POFUT3: variants seen among roughly 807,000 people sequenced by gnomAD.
POFUT3 encodes the protein GDP-fucose protein O-fucosyltransferase 3.
At chr8:33,406,351 G>A in the POFUT3 span, among the ~76,000 whole-genome samples, 1 of 152,104 alleles carries the variant, frequency 6.6e-6, no homozygotes, top group Non-Finnish European at 1.5e-5. Flanking sequence ...TAAAAATTCT[G>A]GAAGGATAGC....
chr8:33,446,694 C>T, the POFUT3 span, among the ~76,000 whole-genome samples: 1 of 152,114 alleles, frequency 6.6e-6, no homozygotes, highest in Non-Finnish European at 1.5e-5. Context: ...ACTAGGTACC[C>T]TGAGCAATAA....
chr8:33,453,143 C>T, the POFUT3 span: 9 of 1,471,364 alleles, frequency 6.1e-6, no homozygotes, highest in East Asian at 2.1e-4. Context: ...CATCACTTTT[C>T]AGAGGTAAAC....
the POFUT3 span, among the ~76,000 whole-genome samples, chr8:33,364,818 G>C: frequency 1.3e-5 from 2 of 152,054 alleles, no homozygotes; most frequent in Non-Finnish European, 2.9e-5. Flanking sequence ...AGAATCAATA[G>C]CGTGAAAATG....
the POFUT3 span, among the ~76,000 whole-genome samples, chr8:33,385,959 C>T: frequency 9.3e-4 from 138 of 147,616 alleles, no homozygotes; most frequent in African/African-American, 3.3e-3. Context: ...AGGCCGAGGC[C>T]GGTGGATCAC....
At chr8:33,312,157 G>C in the POFUT3 span, among the ~76,000 whole-genome samples, 1 of 152,084 alleles carries the variant, frequency 6.6e-6, no homozygotes, top group African/African-American at 2.4e-5. Flanking sequence ...AGCTACTCAG[G>C]AGGCTGAGGC....
chr8:33,449,654 T>C, the POFUT3 span, among the ~76,000 whole-genome samples: 1 of 152,072 alleles, frequency 6.6e-6, no homozygotes, highest in Non-Finnish European at 1.5e-5. Flanking sequence ...TCCTATGATG[T>C]GATGGAAAAA....
chr8:33,411,500 C>A, the POFUT3 span, among the ~76,000 whole-genome samples: 3 of 152,178 alleles, frequency 2.0e-5, no homozygotes, highest in Non-Finnish European at 4.4e-5. Flanking sequence ...TTTAAAATGA[C>A]AATATGGGCC....
the POFUT3 span, among the ~76,000 whole-genome samples, chr8:33,364,486 C>G: frequency 6.6e-6 from 1 of 152,168 alleles, no homozygotes; most frequent in Non-Finnish European, 1.5e-5. Flanking sequence ...CAAATTTTCC[C>G]TGTTTGCAGA....
At chr8:33,418,369 AAAAT>A in the POFUT3 span, among the ~76,000 whole-genome samples, 1 of 152,148 alleles carries the variant, frequency 6.6e-6, no homozygotes, top group East Asian at 1.9e-4. Flanking sequence ...AAAGAGACAA[AAAAT>A]AACAGATGCT....
the POFUT3 span, among the ~76,000 whole-genome samples, chr8:33,441,073 G>A: frequency 4.6e-5 from 7 of 152,108 alleles, no homozygotes; most frequent in Non-Finnish European, 8.8e-5. Flanking sequence ...GCTCACGCCT[G>A]TAATCCCAGC....
chr8:33,378,284 C>T, the POFUT3 span, among the ~76,000 whole-genome samples: 35 of 152,284 alleles, frequency 2.3e-4, no homozygotes, highest in South Asian at 5.0e-3. Context: ...CAGTAGCAAA[C>T]GCTTCTGCTC....
the POFUT3 span, among the ~76,000 whole-genome samples, chr8:33,347,178 C>T: frequency 2.0e-5 from 3 of 152,138 alleles, no homozygotes; most frequent in Admixed American, 2.0e-4. Flanking sequence ...AAACAAGCAT[C>T]TCCACCTTGA....
the POFUT3 span, among the ~76,000 whole-genome samples, chr8:33,384,219 G>A: frequency 7.9e-5 from 12 of 152,246 alleles, no homozygotes; most frequent in East Asian, 9.7e-4. Flanking sequence ...ACAGGACATT[G>A]TAGGAATGAT....
chr8:33,348,979 C>T, the POFUT3 span, among the ~76,000 whole-genome samples: 3 of 152,336 alleles, frequency 2.0e-5, no homozygotes, highest in East Asian at 1.9e-4. Flanking sequence ...ATAAAGGTTA[C>T]ACCACATAAA....
At chr8:33,451,303 A>ATTTCAGATTTCAAATT in the POFUT3 span, among the ~76,000 whole-genome samples, 2 of 152,098 alleles carry the variant, frequency 1.3e-5, no homozygotes, top group African/African-American at 4.8e-5. Flanking sequence ...ATTCGGGGGC[A>ATTTCAGATTTCAAATT]TTTCAGATTT....
the POFUT3 span, among the ~76,000 whole-genome samples, chr8:33,471,626 T>C: frequency 6.6e-6 from 1 of 152,226 alleles, no homozygotes; most frequent in Non-Finnish European, 1.5e-5. Context: ...TGTACATATA[T>C]AAATAACATT....
the POFUT3 span, among the ~76,000 whole-genome samples, chr8:33,390,633 G>A: frequency 6.7e-6 from 1 of 150,234 alleles, no homozygotes; most frequent in East Asian, 2.0e-4. Context: ...CAAAATGATT[G>A]ATTTCAGCAA....
the POFUT3 span, among the ~76,000 whole-genome samples, chr8:33,361,872 C>T: frequency 6.6e-6 from 1 of 151,962 alleles, no homozygotes. Context: ...TGATCGATAG[C>T]TGTGGTTATC....
the POFUT3 span, among the ~76,000 whole-genome samples, chr8:33,330,568 G>T: frequency 1.4e-4 from 21 of 152,268 alleles, no homozygotes; most frequent in African/African-American, 4.3e-4. Context: ...TTAAATGCTT[G>T]TTGGCCTGAT....
Sources: allele counts gnomAD v4.1 joint callset (sites outside exome capture counted in the v4.1 genomes callset), GRCh38; gene constraint gnomAD v4.1.1; transcripts MANE v1.5; gene names NCBI Gene and HGNC (gene_info 2026-07-23, HGNC 2026-07-21).